Variants in CECR2 observed in about 807,000 individuals in gnomAD.
CECR2 encodes the protein chromatin remodeling regulator CECR2.
A neutral mutation model predicts 154.5 loss-of-function variants in CECR2; 30 were observed. That is an observed-to-expected ratio of 0.19 (90% CI 0.15 to 0.26). The LOEUF (loss-of-function observed/expected upper bound fraction) is 0.26, where lower values mean the gene tolerates loss of function less well. Ranked by LOEUF, CECR2 falls within the 10% of genes least tolerant of loss-of-function variation. The pLI, the probability that CECR2 is intolerant of heterozygous loss-of-function variation, is 1.00. For missense variants in CECR2, 1,743 were observed against 1,829.3 expected (o/e 0.95, Z 0.86); for synonymous variants, 725 against 683.7 (o/e 1.06, Z -0.94).
intron 1 of CECR2, among the ~76,000 whole-genome samples, chr22:17,399,520 C>T (rs1291865966): frequency 6.6e-6 from 1 of 150,412 alleles, no homozygotes; most frequent in African/African-American, 2.5e-5. Context: ...TGGGTTCAAG[C>T]GATTCTCCTG....
At chr22:17,390,440 T>C (rs2063314071) in intron 1 of CECR2, among the ~76,000 whole-genome samples, 1 of 152,170 alleles carries the variant, frequency 6.6e-6, no homozygotes, top group East Asian at 1.9e-4. Context: ...AAAGTTACTG[T>C]TTTTCTCTTA....
In CECR2 at chr22:17,394,197, C is replaced by CTTTT. The variant is rs71200271; in HGVS notation, c.126+24311_126+24314dup. On this transcript the variant is annotated intron_variant, in intron 1 of 18. Coordinates refer to ENST00000262608, the MANE Select transcript of CECR2 (RefSeq NM_001290047.2). ...CCACCGCGCCCAGCTGCTGCCGCTG[C>CTTTT]TTTTTTTTTTTTTTTTTTTTTTTTT... Among the ~76,000 whole-genome samples, 19 of 97,094 alleles carry CTTTT rather than the reference C, an allele frequency of 2.0e-4. 3 individuals are homozygous for CTTTT. The highest frequency in any genetic ancestry group is 3.5e-4 in the South Asian group (1 of 2,852). The allele number at this position is 97,094 out of a possible 152,430, so 63.7% of individuals were successfully genotyped here.
intron 18 of CECR2, among the ~76,000 whole-genome samples, 189 bp from the exon 19 acceptor site, chr22:17,552,645 TG>T (rs775272713): frequency 1.6e-4 from 24 of 152,116 alleles, no homozygotes; most frequent in Admixed American, 8.5e-4. Flanking sequence ...TGTTAAGCAC[TG>T]GGACTGGGAT....
intron 1 of CECR2, among the ~76,000 whole-genome samples, chr22:17,378,357 C>T (rs2063145073): frequency 6.7e-6 from 1 of 150,118 alleles, no homozygotes; most frequent in Non-Finnish European, 1.5e-5. Context: ...AGTGCAGTGG[C>T]ACGATCTCGG....
chr22:17,501,053 G>A (rs1387809449), intron 5 of CECR2, among the ~76,000 whole-genome samples: 3 of 152,020 alleles, frequency 2.0e-5, no homozygotes, highest in African/African-American at 7.2e-5. Context: ...GATACTTGGG[G>A]GATTTTCTTT....
chr22:17,416,706 T>C (rs1186492331), intron 1 of CECR2, among the ~76,000 whole-genome samples: 1 of 152,168 alleles, frequency 6.6e-6, no homozygotes, highest in East Asian at 1.9e-4. Flanking sequence ...TTCATGATGT[T>C]GGCCGAGCTG....
At position 17,459,511 on chromosome 22, in the gene CECR2, C is replaced by A. The variant is rs193219038; in HGVS notation, c.127-18077C>A. Reference sequence around the variant, plus strand: ...TGGTTTTTGTAAAGACAGAGTTTCACCACATTGCCCAGGCTGGTCTTGAAC... The same window carrying A: ...TGGTTTTTGTAAAGACAGAGTTTCAACACATTGCCCAGGCTGGTCTTGAAC... On this transcript the variant is annotated intron_variant, in intron 1 of 18. Coordinates refer to ENST00000262608, the MANE Select transcript of CECR2 (RefSeq NM_001290047.2). Among the ~76,000 whole-genome samples the A allele has an allele frequency of 7.3e-4, 111 of 152,170 alleles. 1 individual carries two copies. Among genetic ancestry groups the A allele is most frequent in the African/African-American group, 2.5e-3 (105 of 41,504 alleles).
Position 17,493,955 on chromosome 22 carries a change from G to A in CECR2, c.222-3448G>A, listed in dbSNP as rs555723285. Among the ~76,000 whole-genome samples the A allele has an allele frequency of 1.3e-5, 2 of 152,316 alleles. 1 individual carries two copies. Among genetic ancestry groups the A allele is most frequent in the South Asian group, 4.1e-4 (2 of 4,830 alleles). On this transcript the variant is annotated intron_variant, in intron 2 of 18. Coordinates refer to ENST00000262608, the MANE Select transcript of CECR2 (RefSeq NM_001290047.2). Reference sequence around the variant, plus strand: ...TTATTGCAGGAAAAAACAGACTTTAGTGTTTGTGGAACTTGGTGTACATTA... The same window carrying A: ...TTATTGCAGGAAAAAACAGACTTTAATGTTTGTGGAACTTGGTGTACATTA...
At chr22:17,550,900 C>A (rs2146153336) in intron 17 of CECR2, among the ~76,000 whole-genome samples, 1 of 152,156 alleles carries the variant, frequency 6.6e-6, no homozygotes, top group South Asian at 2.1e-4. Context: ...CAAGATCATG[C>A]CACTGCACTC....
intron 9 of CECR2, 54 bp downstream of exon 9, chr22:17,524,325 C>G: frequency 4.4e-6 from 7 of 1,588,910 alleles, no homozygotes; most frequent in Non-Finnish European, 6.0e-6. Flanking sequence ...GACCAGCCGT[C>G]CTGTAGCCAG....
intron 9 of CECR2, among the ~76,000 whole-genome samples, chr22:17,526,936 A>G (rs912244711): frequency 6.6e-6 from 1 of 152,162 alleles, no homozygotes; most frequent in Non-Finnish European, 1.5e-5. Flanking sequence ...AAAAATGGAC[A>G]AATGGGATCA....
chr22:17,433,058 G>A (rs145018656), intron 1 of CECR2, among the ~76,000 whole-genome samples: 1 of 152,238 alleles, frequency 6.6e-6, no homozygotes, highest in Non-Finnish European at 1.5e-5. Flanking sequence ...TACATTTCTG[G>A]TTGCCTAAGT....
At chr22:17,420,038 A>C (rs1231343490) in intron 1 of CECR2, among the ~76,000 whole-genome samples, 1 of 152,252 alleles carries the variant, frequency 6.6e-6, no homozygotes, top group East Asian at 1.9e-4. Context: ...GGATAAAAAG[A>C]AAACAAATTG....
chr22:17,388,638 G>A (rs1198929128), intron 1 of CECR2, among the ~76,000 whole-genome samples: 4 of 152,152 alleles, frequency 2.6e-5, no homozygotes, highest in African/African-American at 7.2e-5. Context: ...AATCTTTTAC[G>A]CAATTTACGG....
chr22:17,434,173 C>T (rs1437760496), intron 1 of CECR2, among the ~76,000 whole-genome samples: 2 of 152,152 alleles, frequency 1.3e-5, no homozygotes. Flanking sequence ...CCTTTTGCTT[C>T]TCTTGGGAGA....
intron 1 of CECR2, among the ~76,000 whole-genome samples, chr22:17,461,083 G>A (rs79780212): frequency 6.6e-6 from 1 of 152,182 alleles, no homozygotes; most frequent in Non-Finnish European, 1.5e-5. Flanking sequence ...CCATTACCGC[G>A]ATGGGTTTCC....
intron 1 of CECR2, among the ~76,000 whole-genome samples, chr22:17,415,275 T>C (rs2054139910): frequency 6.6e-6 from 1 of 152,172 alleles, no homozygotes; most frequent in Admixed American, 6.5e-5. Context: ...AGGGTCTCTG[T>C]CGCCCAGGCT....
At chr22:17,550,766 C>T (rs989877969) in intron 17 of CECR2, among the ~76,000 whole-genome samples, 2 of 152,132 alleles carry the variant, frequency 1.3e-5, no homozygotes, top group African/African-American at 4.8e-5. Flanking sequence ...CACGGTGAAA[C>T]CCCGTCTCTA....
chr22:17,483,747 T>C (rs557614102), intron 2 of CECR2, among the ~76,000 whole-genome samples: 1 of 152,354 alleles, frequency 6.6e-6, no homozygotes, highest in South Asian at 2.1e-4. Context: ...AAAATAAACA[T>C]AGTATAGCCT....
Sources: gnomAD v4.1 joint callset for allele counts (sites outside exome capture counted in the v4.1 genomes callset) on GRCh38, gnomAD v4.1.1 for gene constraint, MANE v1.5 for transcripts, NCBI Gene and HGNC (gene_info 2026-07-23, HGNC 2026-07-21) for gene names.